The following SEMA3E variants were observed in gnomAD, a reference collection of about 807,000 sequenced individuals.
The protein encoded by SEMA3E is semaphorin-3E.
SEMA3E carries 49 observed loss-of-function variants against 93.6 expected under a neutral mutation model. The observed-to-expected ratio is 0.52, with a 90% confidence interval of 0.42 to 0.66. The LOEUF is 0.66. SEMA3E is among the 30% of genes least tolerant of loss of function. The pLI is 0.00. For synonymous variants in SEMA3E, 363 were observed against 330.7 expected (o/e 1.10, Z -1.06); for missense variants, 906 against 964.8 (o/e 0.94, Z 0.81).
At chr7:83,438,080 A>T (rs1211805739) in intron 4 of SEMA3E, among the ~76,000 whole-genome samples, 1 of 152,180 alleles carries the variant, frequency 6.6e-6, no homozygotes, top group Non-Finnish European at 1.5e-5. Context: ...AAAGAAATTC[A>T]GTATTTTAAT....
chr7:83,416,561 A>C (rs3801499), intron 5 of SEMA3E, among the ~76,000 whole-genome samples: 14,572 of 152,120 alleles, frequency 0.096, 862 homozygotes, highest in East Asian at 0.15. Context: ...CTATAGAAGC[A>C]GCATATACTG....
intron 1 of SEMA3E, among the ~76,000 whole-genome samples, chr7:83,543,953 T>C (rs1791589863): frequency 6.6e-6 from 1 of 152,210 alleles, no homozygotes; most frequent in East Asian, 1.9e-4. Context: ...CATTCTTTAT[T>C]CATTATATTT....
At chr7:83,421,540 T>C (rs1788669278) in intron 4 of SEMA3E, among the ~76,000 whole-genome samples, 1 of 141,970 alleles carries the variant, frequency 7.0e-6, no homozygotes, top group South Asian at 2.3e-4. Context: ...GAAAAACTTG[T>C]ATAAAAAACT....
At chr7:83,647,587 A>G (rs1232455196) in intron 1 of SEMA3E, among the ~76,000 whole-genome samples, 1 of 152,204 alleles carries the variant, frequency 6.6e-6, no homozygotes, top group Non-Finnish European at 1.5e-5. Context: ...AGGAGGAATT[A>G]CCAAACCTAT....
chr7:83,426,296 T>C (rs1788768199), intron 4 of SEMA3E, among the ~76,000 whole-genome samples: 2 of 152,302 alleles, frequency 1.3e-5, no homozygotes, highest in East Asian at 1.9e-4. Context: ...TGCAGCATTA[T>C]TCACCATAGC....
chr7:83,629,061 T>A (rs753581534), intron 1 of SEMA3E, among the ~76,000 whole-genome samples: 56 of 152,118 alleles, frequency 3.7e-4, no homozygotes, highest in Admixed American at 1.0e-3. Context: ...CCAGGTCTGC[T>A]GGAGTTTGCT....
chr7:83,407,163 A>G lies in SEMA3E; in HGVS notation c.747T>C (p.Thr249=). The change falls in exon 7 of 17, where the codon ACT becomes ACC. Residue 249 remains threonine, a synonymous_variant. Coordinates refer to ENST00000643230, the MANE Select transcript of SEMA3E (RefSeq NM_012431.3). ...RDDNKVYFFF[T]EKALEAENNA... is the part of the protein sequence containing the mutation. ...TGTTTTCTGCCTCCAGTGCCTTCTC[A>G]GTAAAAAAGAAATATACTTTGTTGT... The G allele has an allele frequency of 6.2e-7, 1 of 1,613,624 alleles. No individual in the cohort carries two copies. Among genetic ancestry groups the G allele is most frequent in the Non-Finnish European group, 8.5e-7 (1 of 1,179,792 alleles).
At chr7:83,489,147 G>C (rs968423173) in intron 2 of SEMA3E, among the ~76,000 whole-genome samples, 3 of 151,968 alleles carry the variant, frequency 2.0e-5, no homozygotes, top group Non-Finnish European at 2.9e-5. Flanking sequence ...GTGATTGGAG[G>C]GTTGCTGATG....
intron 2 of SEMA3E, among the ~76,000 whole-genome samples, chr7:83,480,615 T>G (rs1790125390): frequency 6.6e-6 from 1 of 152,166 alleles, no homozygotes; most frequent in Non-Finnish European, 1.5e-5. Flanking sequence ...GTTTTTGGAT[T>G]TCCCTAAATA....
chr7:83,646,990 C>T (rs1306245633), intron 1 of SEMA3E, among the ~76,000 whole-genome samples: 1 of 151,788 alleles, frequency 6.6e-6, no homozygotes, highest in Non-Finnish European at 1.5e-5. Flanking sequence ...GTCCATATTC[C>T]ATCACATCAA....
intron 16 of SEMA3E, among the ~76,000 whole-genome samples, chr7:83,369,922 CCA>C (rs1161589398): frequency 1.3e-5 from 2 of 152,134 alleles, no homozygotes; most frequent in Non-Finnish European, 2.9e-5. Context: ...AAGTAAGCCT[CCA>C]GTGTTTTAAA....
chr7:83,417,619 A>ACCTATAGTG lies in SEMA3E; in HGVS notation c.550+770_550+771insCACTATAGG, dbSNP rs1239863923. Among the ~76,000 whole-genome samples the ACCTATAGTG allele has an allele frequency of 4.6e-5, 7 of 152,220 alleles. No homozygotes were observed. In the East Asian group the frequency reaches 1.2e-3, roughly 25 times the overall value. On this transcript the variant is annotated intron_variant, in intron 5 of 16. Coordinates refer to ENST00000643230, the MANE Select transcript of SEMA3E (RefSeq NM_012431.3). Reference sequence around the variant, plus strand: ...AGGGAAGAAAATCACTTCCATTAGTACCTATGTCAGTGTTGGGGATTGCTC... The same window carrying ACCTATAGTG: ...AGGGAAGAAAATCACTTCCATTAGTACCTATAGTGCCTATGTCAGTGTTGGGGATTGCTC...
chr7:83,631,517 T>C (rs1322408988), intron 1 of SEMA3E, among the ~76,000 whole-genome samples: 1 of 152,228 alleles, frequency 6.6e-6, no homozygotes. Flanking sequence ...CCATTTTAAC[T>C]AGCCAGTTTC....
At chr7:83,525,072 T>G (rs976629262) in intron 1 of SEMA3E, among the ~76,000 whole-genome samples, 1 of 152,102 alleles carries the variant, frequency 6.6e-6, no homozygotes, top group Non-Finnish European at 1.5e-5. Flanking sequence ...CTTAACTTTT[T>G]GAGAACTTGC....
intron 1 of SEMA3E, among the ~76,000 whole-genome samples, chr7:83,593,270 C>G (rs1225829882): frequency 7.5e-4 from 81 of 107,500 alleles, no homozygotes; most frequent in African/African-American, 3.4e-3. Flanking sequence ...GTCTCTCTCT[C>G]TCTCTCTCTC....
chr7:83,586,522 A>G (rs890242149), intron 1 of SEMA3E, among the ~76,000 whole-genome samples: 1 of 151,910 alleles, frequency 6.6e-6, no homozygotes, highest in Non-Finnish European at 1.5e-5. Context: ...AGAGAGTAAT[A>G]AAGTTTGGAA....
intron 5 of SEMA3E, among the ~76,000 whole-genome samples, 159 bp downstream of exon 5, chr7:83,418,230 TA>T (rs960486713): frequency 3.9e-5 from 6 of 152,192 alleles, no homozygotes; most frequent in Non-Finnish European, 8.8e-5. Context: ...TTGCTCAGGT[TA>T]ACATGGCTTG....
At chr7:83,517,264 C>T (rs1325699586) in intron 1 of SEMA3E, among the ~76,000 whole-genome samples, 1 of 152,138 alleles carries the variant, frequency 6.6e-6, no homozygotes, top group Non-Finnish European at 1.5e-5. Context: ...GGCCTTTACA[C>T]ACTCCATTCT....
At chr7:83,563,445 T>G (rs1792078005) in intron 1 of SEMA3E, among the ~76,000 whole-genome samples, 2 of 152,210 alleles carry the variant, frequency 1.3e-5, no homozygotes, top group South Asian at 2.1e-4. Context: ...CCAGACATAC[T>G]CCATGTTAAT....
Sources: gnomAD v4.1 joint callset for allele counts (sites outside exome capture counted in the v4.1 genomes callset) on GRCh38, gnomAD v4.1.1 for gene constraint, MANE v1.5 for transcripts, NCBI Gene and HGNC (gene_info 2026-07-23, HGNC 2026-07-21) for gene names.